Variants in NIPBL observed in about 807,000 individuals in gnomAD.
NIPBL encodes NIPBL cohesin loading factor, also known as nipped-B-like protein.
A neutral mutation model predicts 321.8 loss-of-function variants in NIPBL; 19 were observed. The observed-to-expected ratio is 0.06, with a 90% CI of 0.04 to 0.09. The LOEUF is 0.09. Among genes scored for constraint, NIPBL ranks in the 10% least tolerant of loss-of-function variants. The probability of loss-of-function intolerance (pLI) is 1.00; values close to 1 mark genes in which losing one functional copy is unlikely to be tolerated. For missense variants in NIPBL, 2,210 were observed against 3,327.0 expected (o/e 0.66, Z 8.26); for synonymous variants, 1,106 against 1,114.1 (o/e 0.99, Z 0.14).
intron 22 of NIPBL, 90 bp downstream of exon 22, chr5:37,014,855 A>G: frequency 2.5e-6 from 2 of 808,722 alleles, no homozygotes; most frequent in South Asian, 1.4e-5. Context: ...ATTTCCTGCC[A>G]TAATCTGAAC....
chr5:36,993,667 T>TA (rs772467786), intron 10 of NIPBL, among the ~76,000 whole-genome samples: 53 of 147,988 alleles, frequency 3.6e-4, no homozygotes, highest in East Asian at 1.6e-3. Flanking sequence ...ACATTTGCTT[T>TA]AAAAAAAAAA....
rs866945059 is a variant in NIPBL at position 37,036,479 on chromosome 5, C to A, written c.5963C>A (p.Ser1988Tyr). Residue 1988 changes from serine (S) to tyrosine (Y), a missense_variant, in exon 33 of 47, where the codon TCT becomes TAT. Around this residue, in one of 14 missense-constraint regions of NIPBL, gnomAD observed 69 missense variants for 100.8 expected, o/e 0.68. Transcript: ENST00000282516. ...LVEHILKYEE[S>Y]LADSDNKGVN... is the part of the protein sequence containing the mutation. ...GAGCACATTCTTAAATATGAGGAATCTCTAGCTGGTAAGACATTTTATATA... is the reference window on the plus strand; with the variant it reads ...GAGCACATTCTTAAATATGAGGAATATCTAGCTGGTAAGACATTTTATATA... The A allele has an allele frequency of 7.3e-7, 1 of 1,365,296 alleles. No homozygotes were observed. The highest frequency in any genetic ancestry group is 1.5e-5 in the South Asian group (1 of 66,866). 84.6% of individuals were successfully genotyped at this position (1,365,296 alleles called of 1,614,324 possible). A position where few individuals can be genotyped will look rare whatever the true frequency, so the allele number is the denominator to read the frequency against.
intron 1 of NIPBL, among the ~76,000 whole-genome samples, chr5:36,880,307 T>C (rs1019675766): frequency 2.6e-5 from 4 of 152,068 alleles, no homozygotes; most frequent in African/African-American, 9.7e-5. Context: ...ATTGTGGTAT[T>C]TTTACTTTCT....
At chr5:37,003,391 T>C in intron 16 of NIPBL, 44 bp downstream of exon 16, 1 of 1,169,372 alleles carries the variant, frequency 8.6e-7, no homozygotes, top group Admixed American at 1.7e-5. Context: ...TTAATGTTAT[T>C]AAGATCTATA....
At chr5:36,906,528 AT>A (rs773683448) in intron 1 of NIPBL, among the ~76,000 whole-genome samples, 1 of 152,138 alleles carries the variant, frequency 6.6e-6, no homozygotes, top group Non-Finnish European at 1.5e-5. Flanking sequence ...TTTAGAAATT[AT>A]TTCTGCTACC....
intron 8 of NIPBL, among the ~76,000 whole-genome samples, chr5:36,973,095 A>G (rs1360658131): frequency 6.6e-6 from 1 of 152,194 alleles, no homozygotes; most frequent in African/African-American, 2.4e-5. Flanking sequence ...TTAAAATTGT[A>G]GTCAAATAGC....
At chr5:36,881,706 C>T (rs1375698661) in intron 1 of NIPBL, among the ~76,000 whole-genome samples, 1 of 151,896 alleles carries the variant, frequency 6.6e-6, no homozygotes, top group Non-Finnish European at 1.5e-5. Context: ...TGATGTGATA[C>T]TTGCCCAGTC....
chr5:36,956,889 T>C (rs931339337), intron 3 of NIPBL, among the ~76,000 whole-genome samples: 2 of 152,068 alleles, frequency 1.3e-5, no homozygotes, highest in African/African-American at 4.8e-5. Flanking sequence ...CCTCCCAAAG[T>C]GCTAGGATTA....
At chr5:37,059,551 A>G (rs1157157400) in intron 44 of NIPBL, among the ~76,000 whole-genome samples, 4 of 152,182 alleles carry the variant, frequency 2.6e-5, no homozygotes, top group African/African-American at 7.2e-5. Context: ...TTGCATGCTT[A>G]CTTTAATGTT....
intron 1 of NIPBL, among the ~76,000 whole-genome samples, chr5:36,951,604 T>A (rs1330828984): frequency 1.3e-5 from 2 of 152,204 alleles, no homozygotes; most frequent in African/African-American, 4.8e-5. Context: ...ACCAACTTTT[T>A]AAAGTGCTTG....
intron 1 of NIPBL, among the ~76,000 whole-genome samples, chr5:36,892,647 A>T (rs1257102677): frequency 2.0e-5 from 3 of 152,192 alleles, no homozygotes; most frequent in Non-Finnish European, 4.4e-5. Flanking sequence ...AGGGACGTGG[A>T]TGAAGCTGGA....
intron 1 of NIPBL, among the ~76,000 whole-genome samples, chr5:36,909,845 A>G (rs934507639): frequency 6.6e-6 from 1 of 152,186 alleles, no homozygotes; most frequent in African/African-American, 2.4e-5. Context: ...TGGGAGGCCA[A>G]GGTGGGCAGA....
chr5:36,971,015 G>A lies in NIPBL; in HGVS notation c.750G>A (p.Met250Ile). ...GTTCAAGTGAGGACTACCTACACAT[G>A]GTGCACAGGCTAAGTAGTGACGTAT... ...RHGSSEDYLHMVHRLSSDDGD... is the reference protein window; with the variant it reads ...RHGSSEDYLHIVHRLSSDDGD... Residue 250 changes from methionine (M) to isoleucine (I), a missense_variant, in exon 7 of 47, where the codon ATG becomes ATA. By Grantham distance (10) the Met-to-Ile change is conservative. Transcript: ENST00000282516. 1 of 1,613,146 alleles carries A rather than the reference G, an allele frequency of 6.2e-7. No individual in the cohort carries two copies. Among genetic ancestry groups the A allele is most frequent in the Non-Finnish European group, 8.5e-7 (1 of 1,179,224 alleles).
At chr5:37,038,816 C>T in intron 34 of NIPBL, 78 bp downstream of exon 34, 1 of 1,416,232 alleles carries the variant, frequency 7.1e-7, no homozygotes. Flanking sequence ...CATGCGTCAA[C>T]CACATTCTCA....
chr5:36,999,316 A>G (rs908386256), intron 11 of NIPBL, among the ~76,000 whole-genome samples: 1 of 152,202 alleles, frequency 6.6e-6, no homozygotes, highest in African/African-American at 2.4e-5. Flanking sequence ...ACAGACTAGA[A>G]AGTTTATCAT....
At chr5:36,976,603 A>G (rs544958964) in intron 9 of NIPBL, among the ~76,000 whole-genome samples, 15 of 152,246 alleles carry the variant, frequency 9.9e-5, no homozygotes, top group South Asian at 6.2e-4. Flanking sequence ...ACTATATGAG[A>G]TTTGGTAATT....
intron 1 of NIPBL, among the ~76,000 whole-genome samples, chr5:36,946,217 A>G (rs1215486390): frequency 6.6e-6 from 1 of 151,930 alleles, no homozygotes; most frequent in Non-Finnish European, 1.5e-5. Context: ...GGGCAATTCT[A>G]AGGTCTGACC....
At chr5:37,059,924 C>T (rs1754486452) in intron 44 of NIPBL, among the ~76,000 whole-genome samples, 1 of 152,136 alleles carries the variant, frequency 6.6e-6, no homozygotes, top group South Asian at 2.1e-4. Context: ...TTAAAGATAC[C>T]TCTTTTCTGC....
At chr5:36,957,350 G>C (rs1380338584) in intron 3 of NIPBL, among the ~76,000 whole-genome samples, 1 of 152,162 alleles carries the variant, frequency 6.6e-6, no homozygotes, top group Non-Finnish European at 1.5e-5. Context: ...GTCTTAATCA[G>C]TGTGGCAACA....
Sources: allele counts gnomAD v4.1 joint callset (sites outside exome capture counted in the v4.1 genomes callset), GRCh38; gene constraint gnomAD v4.1.1; regional missense constraint gnomAD v4.1.1; transcripts MANE v1.5; gene names NCBI Gene and HGNC (gene_info 2026-07-23, HGNC 2026-07-21).